Variants in RASGRP3 observed in about 807,000 individuals in gnomAD.
RASGRP3 encodes RAS guanyl releasing protein 3.
RASGRP3 carries 54 observed loss-of-function variants against 82.7 expected under a neutral mutation model. The ratio of observed to expected loss-of-function variants is 0.65; its 90% confidence interval spans 0.52 to 0.82. The LOEUF (loss-of-function observed/expected upper bound fraction) is 0.82. Ranked by LOEUF, RASGRP3 falls within the 40% of genes least tolerant of loss-of-function variation. RASGRP3 has a pLI of 0.00. For synonymous variants in RASGRP3, 309 were observed against 300.5 expected, an observed-to-expected ratio of 1.03 and a Z score of -0.29; for missense variants, 861 against 828.9, an observed-to-expected ratio of 1.04 and a Z score of -0.48.
chr2:33,485,257 G>A (rs1456345664), intron 1 of RASGRP3, among the ~76,000 whole-genome samples: 1 of 152,186 alleles, frequency 6.6e-6, no homozygotes, highest in Admixed American at 6.5e-5. Flanking sequence ...AGATTCTGCT[G>A]TCCTTGTCAT....
chr2:33,545,974 T>C (rs1324813404), intron 13 of RASGRP3, among the ~76,000 whole-genome samples: 4 of 151,970 alleles, frequency 2.6e-5, no homozygotes, highest in Admixed American at 6.6e-5. Flanking sequence ...GGCAATTTTT[T>C]TTTTCTTTTT....
intron 15 of RASGRP3, 91 bp from the exon 16 acceptor site, chr2:33,558,120 G>A (rs1676213844): frequency 6.7e-7 from 1 of 1,482,448 alleles, no homozygotes; most frequent in Admixed American, 2.0e-5. Context: ...CTGGGGTGGG[G>A]GAGGGGAGGG....
At chr2:33,552,971 T>C (rs893153698) in intron 14 of RASGRP3, among the ~76,000 whole-genome samples, 1 of 152,218 alleles carries the variant, frequency 6.6e-6, no homozygotes, top group African/African-American at 2.4e-5. Flanking sequence ...GTTCATCCTC[T>C]ACTGTTCTTG....
At chr2:33,531,257 G>GA (rs1234896728) in intron 10 of RASGRP3, among the ~76,000 whole-genome samples, 2 of 152,078 alleles carry the variant, frequency 1.3e-5, no homozygotes, top group African/African-American at 2.4e-5. Flanking sequence ...ACATTTGTCA[G>GA]AAAAAAACAG....
intron 3 of RASGRP3, 137 bp downstream of exon 3, chr2:33,515,343 C>T (rs535963940): frequency 1.2e-6 from 1 of 805,904 alleles, no homozygotes; most frequent in African/African-American, 1.7e-5. Context: ...GGACCCGGGT[C>T]TGTCTCTCCA....
At position 33,539,145 on chromosome 2, in the gene RASGRP3, G is replaced by T. The variant is rs1673968862; in HGVS notation, c.1213G>T (p.Ala405Ser). Reference protein sequence around the residue: ...PNKPVVPLEWALGVMPKPDPT... With the variant: ...PNKPVVPLEWSLGVMPKPDPT... ...CAAGCCTGTGGTACCCCTGGAGTGG[G>T]CATTAGGGGTGATGCCAAAGCCAGA... The change falls in exon 12 of 18, where the codon GCA becomes TCA. Residue 405 changes from alanine to serine, a missense_variant. Transcript: ENST00000403687. The T allele has an allele frequency of 6.2e-7, 1 of 1,611,862 alleles. No homozygotes were observed. The highest frequency in any genetic ancestry group is 1.7e-5 in the Admixed American group (1 of 59,736).
intron 1 of RASGRP3, among the ~76,000 whole-genome samples, chr2:33,491,845 C>T: frequency 6.6e-6 from 1 of 152,258 alleles, no homozygotes; most frequent in East Asian, 1.9e-4. Flanking sequence ...CACAGCACAG[C>T]AGCCCGTGGC....
chr2:33,460,256 A>T (rs886768936), intron 2 of RASGRP3, among the ~76,000 whole-genome samples: 2 of 152,232 alleles, frequency 1.3e-5, no homozygotes. Flanking sequence ...ATCAATGGCC[A>T]TGATACATTA....
intron 1 of RASGRP3, among the ~76,000 whole-genome samples, chr2:33,511,164 A>G (rs1047510115): frequency 1.3e-5 from 2 of 152,208 alleles, no homozygotes. Flanking sequence ...GAAAATGTAT[A>G]TGCTGGAGAA....
At position 33,490,849 on chromosome 2, in the gene RASGRP3, T is replaced by A. The variant is rs370084399; in HGVS notation, c.-261+14142T>A. Among the ~76,000 whole-genome samples, 9 of 152,360 alleles carry A rather than the reference T, an allele frequency of 5.9e-5. No individual in the cohort carries two copies. The South Asian group carries it at 1.4e-3, about 25-fold the overall frequency. On this transcript the variant is annotated intron_variant, in intron 1 of 17. Coordinates refer to ENST00000403687, the MANE Select transcript of RASGRP3 (RefSeq NM_001139488.2). ...CATAGAGTTTCTCATCTGGCCTGTT[T>A]AGTTCACTGCCGGATACCCAGGCCC...
intron 11 of RASGRP3, among the ~76,000 whole-genome samples, chr2:33,535,154 A>T (rs1270086390): frequency 6.6e-6 from 1 of 152,254 alleles, no homozygotes; most frequent in Non-Finnish European, 1.5e-5. Context: ...CTAACCATTG[A>T]TTCAACTCAG....
At chr2:33,476,545 C>T (rs941317926), upstream of RASGRP3, 49 of 152,348 alleles carry the variant, frequency 3.2e-4, no homozygotes, top group African/African-American at 1.1e-3. Context: ...CAGTTTCTGA[C>T]CTCCTGGCAC....
intron 1 of RASGRP3, among the ~76,000 whole-genome samples, chr2:33,478,614 A>G (rs1667592692): frequency 2.0e-5 from 3 of 152,238 alleles, no homozygotes; most frequent in Non-Finnish European, 2.9e-5. Context: ...CAAAATATTA[A>G]TAGCAAAATA....
At chr2:33,491,573 A>G (rs1187427138) in intron 1 of RASGRP3, among the ~76,000 whole-genome samples, 1 of 152,248 alleles carries the variant, frequency 6.6e-6, no homozygotes, top group Non-Finnish European at 1.5e-5. Flanking sequence ...AACTACATAC[A>G]AAATTGCACA....
intron 15 of RASGRP3, 96 bp from the exon 16 acceptor site, chr2:33,558,115 G>C: frequency 1.4e-6 from 2 of 1,464,440 alleles, no homozygotes; most frequent in Non-Finnish European, 1.9e-6. Context: ...AGAAACTGGG[G>C]TGGGGGAGGG....
At chr2:33,485,588 TA>T in intron 1 of RASGRP3, among the ~76,000 whole-genome samples, 1 of 152,218 alleles carries the variant, frequency 6.6e-6, no homozygotes, top group Admixed American at 6.5e-5. Flanking sequence ...CAGTTTGCTT[TA>T]AAATATATTT....
intron 1 of RASGRP3, among the ~76,000 whole-genome samples, chr2:33,440,257 C>T (rs1282280934): frequency 1.3e-5 from 2 of 152,168 alleles, no homozygotes; most frequent in Non-Finnish European, 2.9e-5. Flanking sequence ...AGCACTTACT[C>T]GATGTCAAGC....
intron 7 of RASGRP3, 30 bp downstream of exon 7, chr2:33,522,132 G>T (rs1330784563): frequency 1.9e-6 from 3 of 1,582,474 alleles, no homozygotes; most frequent in Non-Finnish European, 2.6e-6. Context: ...TTCTTCCAAG[G>T]ATAACAACCA....
chr2:33,552,283 G>T (rs1675447553), intron 14 of RASGRP3, among the ~76,000 whole-genome samples: 1 of 152,198 alleles, frequency 6.6e-6, no homozygotes, highest in Non-Finnish European at 1.5e-5. Context: ...CCTTGACCAA[G>T]TTATTCACCA....
Sources: gnomAD v4.1 joint callset for allele counts (sites outside exome capture counted in the v4.1 genomes callset) on GRCh38, gnomAD v4.1.1 for gene constraint, MANE v1.5 for transcripts, NCBI Gene and HGNC (gene_info 2026-07-23, HGNC 2026-07-21) for gene names.